DISP2: variants seen among roughly 807,000 people sequenced by gnomAD.
The protein encoded by DISP2 is protein dispatched homolog 2.
Under a neutral mutation model 95.5 loss-of-function variants are expected in DISP2, and 59 were observed. That is an observed-to-expected ratio of 0.62 (90% CI 0.50 to 0.77). The LOEUF is 0.77. Among genes scored for constraint, DISP2 ranks in the 30% least tolerant of loss-of-function variants. DISP2 has a pLI of 0.00. For missense variants in DISP2, 1,752 were observed against 1,854.6 expected (o/e 0.94, Z 1.02); for synonymous variants, 827 against 815.0 (o/e 1.01, Z -0.25).
chr15:40,364,578 G>T (rs1478544752), intron 4 of DISP2, 34 bp downstream of exon 4: 7 of 1,605,428 alleles, frequency 4.4e-6, no homozygotes, highest in Non-Finnish European at 4.3e-6. Flanking sequence ...GGGTCCCCAG[G>T]CCTGGCCACC....
Position 40,368,565 on chromosome 15 carries a change from G to C in DISP2, c.2453G>C (p.Arg818Pro). The C allele has an allele frequency of 2.1e-5, 33 of 1,604,248 alleles. No homozygotes were observed. The highest frequency in any genetic ancestry group is 2.7e-5 in the Non-Finnish European group (32 of 1,179,892). ...CGCTGGCTGCTGGCACTCTGTCACC[G>C]GGCCCGGAATCAGAGCTTCTTCGAC... ...AQRWLLALCH[R>P]ARNQSFFDTL... is the part of the protein sequence containing the mutation. Residue 818 changes from arginine (R) to proline (P), a missense_variant, in exon 8 of 8, where the codon CGG becomes CCG. By Grantham distance (103) the Arg-to-Pro change is moderately radical. Transcript: ENST00000267889.
intron 1 of DISP2, among the ~76,000 whole-genome samples, chr15:40,359,831 G>A (rs1889378964): frequency 6.6e-6 from 1 of 152,240 alleles, no homozygotes; most frequent in South Asian, 2.1e-4. Context: ...GATACACAGT[G>A]AATAACTCAC....
Position 40,365,229 on chromosome 15 carries a change from C to A in DISP2, c.802C>A (p.Pro268Thr), listed in dbSNP as rs1174183435. The change falls in exon 6 of 8, where the codon CCC becomes ACC. Residue 268 changes from proline to threonine, a missense_variant. Transcript: ENST00000267889. Reference sequence around the variant, plus strand: ...TGTCCGGCCTCGGAGAATGGTGGAGCCCCTGGAGGACAGAAGGCAAGAGAA... The same window carrying A: ...TGTCCGGCCTCGGAGAATGGTGGAGACCCTGGAGGACAGAAGGCAAGAGAA... ...SAVRPRRMVE[P>T]LEDRRQENFF... is the part of the protein sequence containing the mutation. The A allele has an allele frequency of 2.5e-6, 4 of 1,614,108 alleles. No individual in the cohort carries two copies. Among genetic ancestry groups the A allele is most frequent in the Non-Finnish European group, 3.4e-6 (4 of 1,180,036 alleles).
At position 40,369,604 on chromosome 15, in the gene DISP2, G is replaced by A; in HGVS notation, c.3492G>A (p.Glu1164=). The change falls in exon 8 of 8, where the codon GAG becomes GAA. Residue 1164 remains glutamate (E), a synonymous_variant. Transcript: ENST00000267889. ...CCGGGTCCTGCTCAGAGCAATATGA[G>A]CTACAGCCCCTGGCACGGCGTCGGA... is the stretch of plus-strand genomic sequence containing the variant. ...GMPGSCSEQY[E]LQPLARRRSP... 5 of 1,611,654 alleles carry A rather than the reference G, an allele frequency of 3.1e-6. No homozygotes were observed. Among genetic ancestry groups the A allele is most frequent in the Non-Finnish European group, 4.2e-6 (5 of 1,179,992 alleles).
chr15:40,364,679 G>C (rs1036342251), intron 4 of DISP2, 135 bp downstream of exon 4: 5 of 1,445,980 alleles, frequency 3.5e-6, no homozygotes, highest in Non-Finnish European at 4.7e-6. Context: ...CCTCCAGAGA[G>C]AGTTGGGGAG....
rs1171481744 is a variant in DISP2 at position 40,370,648 on chromosome 15, C to T, written c.*330C>T. The T allele has an allele frequency of 1.8e-6, 1 of 541,996 alleles. No homozygotes were observed. Among genetic ancestry groups the T allele is most frequent in the Non-Finnish European group, 3.5e-6 (1 of 283,690 alleles). The allele number at this position is 541,996 out of a possible 1,614,324, so 33.6% of individuals were successfully genotyped here. A position where few individuals can be genotyped will look rare whatever the true frequency, so the allele number is the denominator to read the frequency against. ...AGCTTCGGGTATCAGAGGAGGCTGA[C>T]CTGGCCCCCATCCCAAGTTACAAGA... On this transcript the variant is annotated 3_prime_UTR_variant, in exon 8 of 8. Transcript: ENST00000267889.
chr15:40,370,167 C>G lies in DISP2; in HGVS notation c.4055C>G (p.Ser1352Ter). The G allele has an allele frequency of 6.2e-7, 1 of 1,612,206 alleles. No homozygotes were observed. Among genetic ancestry groups the G allele is most frequent in the Non-Finnish European group, 8.5e-7 (1 of 1,179,288 alleles). The change falls in exon 8 of 8, where the codon TCA becomes TGA. Residue 1352 changes from serine (S) to a stop codon, truncating the protein, a stop_gained. Coordinates refer to ENST00000267889, the MANE Select transcript of DISP2 (RefSeq NM_033510.3). LOFTEE classifies it high-confidence loss of function. Reference sequence around the variant, plus strand: ...CTGAGGGAGACAGTGTATGACCCATCATTGCCCGCTTCCCATCACAGCAGC... The same window carrying G: ...CTGAGGGAGACAGTGTATGACCCATGATTGCCCGCTTCCCATCACAGCAGC... ...LALRETVYDP[S>*]LPASHHSSLS...
chr15:40,363,963 G>A lies in DISP2; in HGVS notation c.449+9G>A. 1 of 1,517,742 alleles carries A rather than the reference G, an allele frequency of 6.6e-7. No homozygotes were observed. Among genetic ancestry groups the A allele is most frequent in the South Asian group, 1.3e-5 (1 of 76,692 alleles). 94.0% of individuals were successfully genotyped at this position (1,517,742 alleles called of 1,614,324 possible). A position where few individuals can be genotyped will look rare whatever the true frequency, so the allele number is the denominator to read the frequency against. Reference sequence around the variant, plus strand: ...CATGTGGTCAGCGTCAGGTAAGGAGGGGTCCAGCAGCCTGCCAGCTGCCAC... The same window carrying A: ...CATGTGGTCAGCGTCAGGTAAGGAGAGGTCCAGCAGCCTGCCAGCTGCCAC... On this transcript the variant is annotated intron_variant, in intron 2 of 7. Coordinates refer to ENST00000267889, the MANE Select transcript of DISP2 (RefSeq NM_033510.3).
intron 1 of DISP2, among the ~76,000 whole-genome samples, chr15:40,358,688 C>T (rs1034349414): frequency 6.6e-6 from 1 of 152,154 alleles, no homozygotes; most frequent in African/African-American, 2.4e-5. Flanking sequence ...CTGCCCCACC[C>T]ACGGCTCCTA....
At position 40,367,175 on chromosome 15, in the gene DISP2, G is replaced by T; in HGVS notation, c.1063G>T (p.Asp355Tyr). ...AVLSNRSSCLDTTQADAARTL... is the reference protein window; with the variant it reads ...AVLSNRSSCLYTTQADAARTL... ...GCTCTCCAACCGCTCCTCCTGCCTG[G>T]ACACTACCCAAGCTGACGCAGCCCG... The change falls in exon 8 of 8, where the codon GAC becomes TAC. Residue 355 changes from aspartate (D) to tyrosine (Y), a missense_variant. Asp to Tyr is a radical substitution (Grantham distance 160, BLOSUM62 -3). Around this residue, in one of 5 missense-constraint regions of DISP2, gnomAD observed 732 missense variants for 714.6 expected, o/e 1.02. Coordinates refer to ENST00000267889, the MANE Select transcript of DISP2 (RefSeq NM_033510.3). The T allele has an allele frequency of 6.2e-7, 1 of 1,613,968 alleles. No individual in the cohort carries two copies.
Position 40,367,638 on chromosome 15 carries a change from C to G in DISP2, c.1526C>G (p.Ser509Ter). The G allele has an allele frequency of 2.5e-6, 4 of 1,614,054 alleles. No homozygotes were observed. Among genetic ancestry groups the G allele is most frequent in the Non-Finnish European group, 3.4e-6 (4 of 1,180,030 alleles). ...TTCGGCATGGCCCTGTACCTGCGCT[C>G]ACTCTTCCTCACGCTCATGGTGCTG... ...IFFGMALYLR[S>*]LFLTLMVLLG... is the part of the protein sequence containing the mutation. The change falls in exon 8 of 8, where the codon TCA (serine) becomes TGA (stop). Residue 509 changes from serine (S) to a stop codon, truncating the protein, a stop_gained. Transcript: ENST00000267889. LOFTEE classifies it high-confidence loss of function.
chr15:40,363,584 C>A, intron 1 of DISP2, 41 bp from the exon 2 acceptor site: 1 of 1,428,262 alleles, frequency 7.0e-7, no homozygotes, highest in Non-Finnish European at 9.4e-7. Context: ...TGGCCCACCA[C>A]CATCCCCCAC....
In DISP2 at chr15:40,369,101, G is replaced by A; in HGVS notation, c.2989G>A (p.Ala997Thr). Reference protein sequence around the residue: ...PLSLFSVAAVAGTVLLTVGLL... With the variant: ...PLSLFSVAAVTGTVLLTVGLL... The stretch of plus-strand genomic sequence containing the variant: ...CAGCCTATTCTCCGTGGCAGCTGTG[G>A]CAGGCACCGTGCTGCTCACTGTAGG... Residue 997 changes from alanine to threonine, a missense_variant, in exon 8 of 8, where the codon GCA becomes ACA. Around this residue, in one of 5 missense-constraint regions of DISP2, gnomAD observed 317 missense variants for 394.9 expected, o/e 0.80. Coordinates refer to ENST00000267889, the MANE Select transcript of DISP2 (RefSeq NM_033510.3). The A allele has an allele frequency of 6.2e-7, 1 of 1,613,900 alleles. No individual in the cohort carries two copies. Among genetic ancestry groups the A allele is most frequent in the Non-Finnish European group, 8.5e-7 (1 of 1,180,038 alleles).
At position 40,373,385 on chromosome 15, in the gene DISP2, G is replaced by A. The variant is rs187314524; in HGVS notation, c.*3067G>A. ...ATCCTTGAACTCACATTCTGAGTAC[G>A]AGTATGTATCCTGTATGCTATTAAA... On this transcript the variant is annotated 3_prime_UTR_variant, in exon 8 of 8. Transcript: ENST00000267889. The A allele has an allele frequency of 6.6e-6, 1 of 152,306 alleles. No homozygotes were observed. Among genetic ancestry groups the A allele is most frequent in the East Asian group, 1.9e-4 (1 of 5,186 alleles). 9.4% of individuals were successfully genotyped at this position (152,306 alleles called of 1,614,324 possible).
At chr15:40,361,590 C>T (rs1364954603) in intron 1 of DISP2, among the ~76,000 whole-genome samples, 1 of 152,274 alleles carries the variant, frequency 6.6e-6, no homozygotes, top group African/African-American at 2.4e-5. Flanking sequence ...CCCACCTCCA[C>T]TGCTCCCCCA....
In DISP2 at chr15:40,369,039, T is replaced by C. The variant is rs1364471628; in HGVS notation, c.2927T>C (p.Phe976Ser). 7 of 1,613,902 alleles carry C rather than the reference T, an allele frequency of 4.3e-6. No homozygotes were observed. The African/African-American group carries it at 8.0e-5, about 18-fold the overall frequency. ...VVLGLALALAFATLLLGTWNV... is the reference protein window; with the variant it reads ...VVLGLALALASATLLLGTWNV... ...CTGGGCCTGGCTTTGGCGCTGGCCT[T>C]TGCCACACTGCTCCTGGGCACCTGG... The change falls in exon 8 of 8, where the codon TTT becomes TCT. Residue 976 changes from phenylalanine to serine, a missense_variant. Transcript: ENST00000267889.
Position 40,363,696 on chromosome 15 carries a change from A to G in DISP2, c.191A>G (p.Glu64Gly). The change falls in exon 2 of 8, where the codon GAG (glutamate) becomes GGG (glycine). Residue 64 changes from glutamate (E) to glycine (G), a missense_variant. This residue lies in a region of DISP2 where 342 missense variants were observed against 364.3 expected (regional missense o/e 0.94). Coordinates refer to ENST00000267889, the MANE Select transcript of DISP2 (RefSeq NM_033510.3). ...RSCSLHSCPL[E>G]DPSSSSGPPP... ...TGCTCCCTCCACAGCTGCCCCCTGGAGGACCCTTCCAGCTCTTCAGGACCC... is the reference window on the plus strand; with the variant it reads ...TGCTCCCTCCACAGCTGCCCCCTGGGGGACCCTTCCAGCTCTTCAGGACCC... 2 of 1,608,142 alleles carry G rather than the reference A, an allele frequency of 1.2e-6. No homozygotes were observed. Among genetic ancestry groups the G allele is most frequent in the Non-Finnish European group, 1.7e-6 (2 of 1,176,652 alleles).
Position 40,365,720 on chromosome 15 carries a change from G to T in DISP2, c.940G>T (p.Asp314Tyr), listed in dbSNP as rs771344688. Residue 314 changes from aspartate to tyrosine, a missense_variant, in exon 7 of 8, where the codon GAC becomes TAC. Asp to Tyr is a radical substitution (Grantham distance 160, BLOSUM62 -3). Coordinates refer to ENST00000267889, the MANE Select transcript of DISP2 (RefSeq NM_033510.3). The stretch of plus-strand genomic sequence containing the variant: ...CCATTCCATGTGTCGCATGGAACAG[G>T]ACCAGGTGAGCTGGTGGGGGAGGTG... ...AIHSMCRMEQDQIRSHTSFGA... is the reference protein window; with the variant it reads ...AIHSMCRMEQYQIRSHTSFGA... 1.9e-6 allele frequency: 3 copies of T among 1,614,014 alleles called. No homozygotes were observed. The South Asian group carries it at 3.3e-5, about 18-fold the overall frequency.
Position 40,377,330 on chromosome 15 carries a change from AT to A in DISP2, c.*7017del, listed in dbSNP as rs200316875. 15,821 of 146,584 alleles carry A rather than the reference AT, an allele frequency of 0.11. 895 individuals carry two copies. Among genetic ancestry groups the A allele is most frequent in the Non-Finnish European group, 0.12 (8,306 of 67,332 alleles). The allele number at this position is 146,584 out of a possible 1,614,324, so 9.1% of individuals were successfully genotyped here. A position where few individuals can be genotyped will look rare whatever the true frequency, so the allele number is the denominator to read the frequency against. Reference sequence around the variant, plus strand: ...CAGAGTCTCAAAAAAAAAAAAAAAAATTTTTGACTGAAAGTACAGATACAAC... The same window carrying A: ...CAGAGTCTCAAAAAAAAAAAAAAAAATTTTGACTGAAAGTACAGATACAAC... On this transcript the variant is annotated 3_prime_UTR_variant, in exon 8 of 8. Transcript: ENST00000267889.
Sources: allele counts gnomAD v4.1 joint callset (sites outside exome capture counted in the v4.1 genomes callset), GRCh38; gene constraint gnomAD v4.1.1; regional missense constraint gnomAD v4.1.1; transcripts MANE v1.5; gene names NCBI Gene and HGNC (gene_info 2026-07-23, HGNC 2026-07-21).